The following DENR variants were observed in gnomAD, a reference collection of about 807,000 sequenced individuals.
The protein encoded by DENR is density-regulated protein.
A neutral mutation model predicts 30.6 loss-of-function variants in DENR; 6 were observed. That is an observed-to-expected ratio of 0.20 (90% CI 0.11 to 0.39). The LOEUF (loss-of-function observed/expected upper bound fraction) is 0.39, where lower values mean the gene tolerates loss of function less well. Among genes scored for constraint, DENR ranks in the 10% least tolerant of loss-of-function variants. The pLI is 1.00. For synonymous variants in DENR, 78 were observed against 72.1 expected, an observed-to-expected ratio of 1.08 and a Z score of -0.41; for missense variants, 141 against 230.9, an observed-to-expected ratio of 0.61 and a Z score of 2.52.
intron 5 of DENR, among the ~76,000 whole-genome samples, chr12:122,766,316 TC>T (rs1271476356): frequency 1.3e-5 from 2 of 152,222 alleles, no homozygotes; most frequent in Admixed American, 1.3e-4. Context: ...TGGTTTCTGT[TC>T]CTTCCTAGGT....
At chr12:122,753,836 T>C (rs762501397) in intron 2 of DENR, 29 bp downstream of exon 2, 41 of 1,515,806 alleles carry the variant, frequency 2.7e-5, no homozygotes, top group Non-Finnish European at 3.3e-5. Flanking sequence ...AGAATGACTT[T>C]TACTCACTAT....
intron 3 of DENR, 29 bp downstream of exon 3, chr12:122,762,235 T>C: frequency 7.4e-7 from 1 of 1,354,304 alleles, no homozygotes; most frequent in South Asian, 1.4e-5. Context: ...TTTTTTACCT[T>C]ATGTATTTGA....
chr12:122,753,764 C>A lies in DENR; in HGVS notation c.63C>A (p.Ala21=). 6.2e-7 allele frequency: 1 copy of A among 1,613,946 alleles called. No individual in the cohort carries two copies. The highest frequency in any genetic ancestry group is 1.1e-5 in the South Asian group (1 of 91,078). The change falls in exon 2 of 8, where the codon GCC becomes GCA. Residue 21 remains alanine, a synonymous_variant. Coordinates refer to ENST00000280557, the MANE Select transcript of DENR (RefSeq NM_003677.5). ...ADCKGDPRNS[A]KLDADYPLRV... is the part of the protein sequence containing the mutation. ...GCAAAGGAGACCCAAGGAACAGTGC[C>A]AAGTTAGATGCCGATTACCCACTTC...
chr12:122,755,710 C>T (rs1013383976), intron 2 of DENR, among the ~76,000 whole-genome samples: 1 of 152,062 alleles, frequency 6.6e-6, no homozygotes, highest in Admixed American at 6.5e-5. Context: ...ATTTGGAAAC[C>T]TATGTGAGTA....
chr12:122,767,654 C>G (rs557067768), intron 6 of DENR, 50 bp downstream of exon 6: 1 of 1,067,510 alleles, frequency 9.4e-7, no homozygotes, highest in Non-Finnish European at 1.3e-6. Context: ...TTTTCTCTCT[C>G]TGTCTCCCTC....
chr12:122,767,238 C>T (rs1878874461), intron 5 of DENR, among the ~76,000 whole-genome samples: 1 of 152,156 alleles, frequency 6.6e-6, no homozygotes, highest in South Asian at 2.1e-4. Context: ...TTTTTTACTC[C>T]CTTCACTAGA....
chr12:122,753,089 G>A (rs950579599), intron 1 of DENR, 139 bp downstream of exon 1: 2 of 154,068 alleles, frequency 1.3e-5, no homozygotes, highest in East Asian at 1.9e-4. Flanking sequence ...GGCGTCCCCG[G>A]GGTTGCTCCT....
rs1878990247 is a variant in DENR at position 122,769,929 on chromosome 12, T to C, written c.*851T>C. The C allele has an allele frequency of 6.6e-6, 1 of 152,584 alleles. No homozygotes were observed. The highest frequency in any genetic ancestry group is 6.6e-5 in the Admixed American group (1 of 15,258). The allele number at this position is 152,584 out of a possible 1,614,324, so 9.5% of individuals were successfully genotyped here. ...AGTGATTTTTTAAAAGAATTTGAAT[T>C]TGGCTTCCTCACCAGTAATATGTCT... On this transcript the variant is annotated 3_prime_UTR_variant, in exon 8 of 8. Coordinates refer to ENST00000280557, the MANE Select transcript of DENR (RefSeq NM_003677.5).
In DENR at chr12:122,769,584, G is replaced by A; in HGVS notation, c.*506G>A. 5.0e-6 allele frequency: 3 copies of A among 601,338 alleles called. No individual in the cohort carries two copies. The highest frequency in any genetic ancestry group is 6.4e-6 in the Non-Finnish European group (3 of 465,268). 37.3% of individuals were successfully genotyped at this position (601,338 alleles called of 1,614,324 possible). ...TGCAGTGGTGCGATCTCGGCTCACTGCAACCTCCGCCTCCCGGGTTCAAGT... is the reference window on the plus strand; with the variant it reads ...TGCAGTGGTGCGATCTCGGCTCACTACAACCTCCGCCTCCCGGGTTCAAGT... On this transcript the variant is annotated 3_prime_UTR_variant, in exon 8 of 8. Transcript: ENST00000280557.
Position 122,768,917 on chromosome 12 carries a change from C to T in DENR, c.548C>T (p.Pro183Leu), listed in dbSNP as rs1227864454. ...ATTGATGTCATTCAGGAAAAATGGC[C>T]AGAGGTGAGTGCATGGAACACATAC... ...DIIDVIQEKW[P>L]EVDDDSIEDL... Residue 183 changes from proline to leucine, a missense_variant, in exon 7 of 8, where the codon CCA (proline) becomes CTA (leucine). Around this residue, in one of 2 missense-constraint regions of DENR, gnomAD observed 37 missense variants for 92.6 expected, o/e 0.40. Transcript: ENST00000280557. 4.3e-6 allele frequency: 7 copies of T among 1,610,822 alleles called. No individual in the cohort carries two copies. Among genetic ancestry groups the T allele is most frequent in the Non-Finnish European group, 5.9e-6 (7 of 1,178,812 alleles).
chr12:122,770,857 G>A lies in DENR; in HGVS notation c.*1779G>A, dbSNP rs1310748590. On this transcript the variant is annotated 3_prime_UTR_variant, in exon 8 of 8. Coordinates refer to ENST00000280557, the MANE Select transcript of DENR (RefSeq NM_003677.5). The stretch of plus-strand genomic sequence containing the variant: ...TTTACTAAATAGAATTACTGGTGAA[G>A]CAGATTTATCCATCGAGACTATCTG... The A allele has an allele frequency of 2.5e-6, 1 of 396,806 alleles. No individual in the cohort carries two copies. The highest frequency in any genetic ancestry group is 2.1e-5 in the African/African-American group (1 of 48,544). 24.6% of individuals were successfully genotyped at this position (396,806 alleles called of 1,614,324 possible). A position where few individuals can be genotyped will look rare whatever the true frequency, so the allele number is the denominator to read the frequency against.
At chr12:122,768,186 C>CT (rs1302376836) in intron 6 of DENR, 1 of 152,640 alleles carries the variant, frequency 6.6e-6, no homozygotes, top group African/African-American at 2.4e-5. Context: ...CACTGCTTCA[C>CT]TTGACTAGCC....
In DENR at chr12:122,752,836, C is replaced by T; in HGVS notation, c.-124C>T. The T allele has an allele frequency of 6.6e-6, 1 of 152,504 alleles. No homozygotes were observed. The highest frequency in any genetic ancestry group is 1.5e-5 in the Non-Finnish European group (1 of 68,148). 9.4% of individuals were successfully genotyped at this position (152,504 alleles called of 1,614,324 possible). The stretch of plus-strand genomic sequence containing the variant: ...ATAAAGGCTCATTGTCTCGCGGGAG[C>T]GCTGCTGGCGGTCGGGCGCTCGGGC... On this transcript the variant is annotated 5_prime_UTR_variant, in exon 1 of 8. Transcript: ENST00000280557.
intron 2 of DENR, among the ~76,000 whole-genome samples, chr12:122,761,711 CTG>C (rs1186429747): frequency 1.3e-5 from 2 of 151,970 alleles, no homozygotes; most frequent in African/African-American, 2.4e-5. Context: ...AGTTGGGAGA[CTG>C]AGGTGGGAGG....
At chr12:122,755,971 A>G (rs1194543752) in intron 2 of DENR, among the ~76,000 whole-genome samples, 1 of 152,270 alleles carries the variant, frequency 6.6e-6, no homozygotes, top group East Asian at 1.9e-4. Flanking sequence ...GTAAGAAGGT[A>G]TGATGACATT....
At chr12:122,762,979 C>T (rs1221249297) in intron 4 of DENR, 50 bp downstream of exon 4, 1 of 972,468 alleles carries the variant, frequency 1.0e-6, no homozygotes, top group Admixed American at 2.5e-5. Flanking sequence ...GAGACAAATG[C>T]ATGTATGGCA....
intron 5 of DENR, among the ~76,000 whole-genome samples, chr12:122,766,475 G>C (rs1878853224): frequency 6.6e-6 from 1 of 152,106 alleles, no homozygotes; most frequent in South Asian, 2.1e-4. Flanking sequence ...CCTAACTTCT[G>C]CTGCCCAGTA....
chr12:122,762,154 C>T, intron 2 of DENR, 33 bp from the exon 3 acceptor site: 1 of 1,376,548 alleles, frequency 7.3e-7, no homozygotes, highest in Non-Finnish European at 9.9e-7. Context: ...ATAGGTTTAA[C>T]ATTTCAAATC....
chr12:122,765,130 C>T (rs980014995), intron 4 of DENR, among the ~76,000 whole-genome samples, 174 bp from the exon 5 acceptor site: 1 of 152,164 alleles, frequency 6.6e-6, no homozygotes, highest in African/African-American at 2.4e-5. Context: ...ACTATAATGA[C>T]TTTAGAACTA....
Sources: allele counts gnomAD v4.1 joint callset (sites outside exome capture counted in the v4.1 genomes callset), GRCh38; gene constraint gnomAD v4.1.1; regional missense constraint gnomAD v4.1.1; transcripts MANE v1.5; gene names NCBI Gene and HGNC (gene_info 2026-07-23, HGNC 2026-07-21).